Variants in HEPH observed in about 807,000 individuals in gnomAD.
HEPH encodes hephaestin.
In HEPH, 69 loss-of-function variants were observed where a neutral mutation model predicts 80.8. The observed-to-expected ratio is 0.85, with a 90% confidence interval of 0.70 to 1.04. The LOEUF is 1.04. Ranked by LOEUF, HEPH falls within the 50% of genes least tolerant of loss-of-function variation. The probability of loss-of-function intolerance (pLI) is 0.00; values close to 1 mark genes in which losing one functional copy is unlikely to be tolerated. For synonymous variants in HEPH, 431 were observed against 322.8 expected, an observed-to-expected ratio of 1.34 and a Z score of -3.60; for missense variants, 1,115 against 891.3, an observed-to-expected ratio of 1.25 and a Z score of -3.20.
intron 4 of HEPH, among the ~76,000 whole-genome samples, chrX:66,176,790 G>T (rs1011813205): frequency 1.8e-5 from 2 of 111,049 alleles, no homozygotes; most frequent in African/African-American, 6.6e-5. Context: ...TGAGAATGAT[G>T]GTTTCCAGCT....
chrX:66,178,648 G>A (rs1295990795), intron 4 of HEPH, among the ~76,000 whole-genome samples: 1 of 112,016 alleles, frequency 8.9e-6, no homozygotes, highest in Non-Finnish European at 1.9e-5. Flanking sequence ...TAACTGGTGT[G>A]GGATGGTATC....
intron 15 of HEPH, among the ~76,000 whole-genome samples, chrX:66,253,575 A>T (rs2091074780): frequency 8.9e-6 from 1 of 112,068 alleles, no homozygotes; most frequent in Admixed American, 9.5e-5. Flanking sequence ...TAAGTGGTTA[A>T]ACATAGCATT....
At chrX:66,190,033 C>A in intron 6 of HEPH, 95 bp downstream of exon 6, 1 of 919,856 alleles carries the variant, frequency 1.1e-6, no homozygotes, top group Non-Finnish European at 1.5e-6. Context: ...ATAAATAAGT[C>A]CTCCAGTTGA....
At chrX:66,178,959 A>C (rs1168092743) in intron 4 of HEPH, among the ~76,000 whole-genome samples, 1 of 111,336 alleles carries the variant, frequency 9.0e-6, no homozygotes, top group Non-Finnish European at 1.9e-5. Context: ...GTTACATCCC[A>C]TTTGCCAATT....
At chrX:66,237,304 T>C (rs1335909003) in intron 15 of HEPH, among the ~76,000 whole-genome samples, 1 of 111,861 alleles carries the variant, frequency 8.9e-6, no homozygotes, top group Non-Finnish European at 1.9e-5. Context: ...GCCTTAGCTG[T>C]GTCCCAGAGA....
chrX:66,243,166 C>A (rs1045895984), intron 15 of HEPH, among the ~76,000 whole-genome samples: 2 of 111,919 alleles, frequency 1.8e-5, no homozygotes, highest in Non-Finnish European at 3.8e-5. Flanking sequence ...AAAAGAATGA[C>A]ATATTTTTGC....
At chrX:66,200,968 T>C (rs1307311555) in intron 12 of HEPH, among the ~76,000 whole-genome samples, 1 of 111,783 alleles carries the variant, frequency 8.9e-6, no homozygotes, top group East Asian at 2.8e-4. Context: ...TAGTAGAAGG[T>C]GGAGGAAGCT....
chrX:66,205,962 G>T lies in HEPH; in HGVS notation c.2292-1233G>T, dbSNP rs182531752. ...AATCTAAATCCTGGCTCACTTTCTGGCTAACAATGTCACTTGTAGAATAAG... is the reference window on the plus strand; with the variant it reads ...AATCTAAATCCTGGCTCACTTTCTGTCTAACAATGTCACTTGTAGAATAAG... On this transcript the variant is annotated intron_variant, in intron 13 of 20. Transcript: ENST00000343002. Among the ~76,000 whole-genome samples the T allele has an allele frequency of 5.0e-3, 558 of 111,268 alleles. 3 individuals are homozygous for T. The highest frequency in any genetic ancestry group is 0.017 in the African/African-American group (518 of 30,584).
chrX:66,192,321 T>C, intron 7 of HEPH, 23 bp downstream of exon 7: 1 of 1,123,495 alleles, frequency 8.9e-7, no homozygotes, highest in Non-Finnish European at 1.2e-6. Flanking sequence ...GGGATCCCTC[T>C]CTTTAATTCT....
intron 15 of HEPH, among the ~76,000 whole-genome samples, chrX:66,238,192 G>A (rs1428568387): frequency 1.8e-5 from 2 of 111,326 alleles, no homozygotes; most frequent in Non-Finnish European, 3.8e-5. Context: ...ACTCGTTAGT[G>A]TGGTTGCTTT....
Position 66,260,014 on chromosome X carries a change from A to G in HEPH, c.3037-86A>G, listed in dbSNP as rs1184396531. On this transcript the variant is annotated intron_variant, in intron 18 of 20. Transcript: ENST00000343002. ...TTGAAGTCTCAGCTCCCTAATGTGG[A>G]CATCACAATTTTTTGGTTCCTGAAA... 8 of 796,958 alleles carry G rather than the reference A, an allele frequency of 1.0e-5. No homozygotes were observed. In the East Asian group the frequency reaches 2.2e-4, roughly 22 times the overall value. The allele number at this position is 796,958 out of a possible 1,213,427, so 65.7% of individuals were successfully genotyped here. A position where few individuals can be genotyped will look rare whatever the true frequency, so the allele number is the denominator to read the frequency against.
chrX:66,171,303 A>G, intron 2 of HEPH: 1 of 199,042 alleles, frequency 5.0e-6, no homozygotes. Flanking sequence ...TAGATGAGAA[A>G]ACTGAGGCTC....
chrX:66,260,761 C>CT (rs908986423), intron 19 of HEPH, among the ~76,000 whole-genome samples: 1 of 107,241 alleles, frequency 9.3e-6, no homozygotes, highest in Admixed American at 9.7e-5. Context: ...GCAATTCTTT[C>CT]TTTTTTTCTT....
At chrX:66,253,928 GT>G (rs1208790549) in intron 15 of HEPH, among the ~76,000 whole-genome samples, 16 of 111,413 alleles carry the variant, frequency 1.4e-4, no homozygotes, top group Non-Finnish European at 2.5e-4. Context: ...ATTACCTTGG[GT>G]GGGGTGGGGC....
At position 66,253,623 on chromosome X, in the gene HEPH, C is replaced by T. The variant is rs552549868; in HGVS notation, c.2564-1412C>T. 5.4e-5 allele frequency among the ~76,000 whole-genome samples: 6 copies of T among 111,547 alleles called. No homozygotes were observed. In the South Asian group the frequency reaches 1.1e-3, roughly 21 times the overall value. On this transcript the variant is annotated intron_variant, in intron 15 of 20. Transcript: ENST00000343002. ...AGGAATAAATGAAAACATATATCCA[C>T]ATAAAAACTTGTACACAAATGCTGA...
intron 15 of HEPH, among the ~76,000 whole-genome samples, chrX:66,222,166 A>C (rs2089679642): frequency 8.8e-6 from 1 of 113,134 alleles, no homozygotes; most frequent in African/African-American, 3.2e-5. Context: ...AAGGAATGCT[A>C]AGTTTCCTCC....
chrX:66,259,159 C>G (rs750966562), intron 18 of HEPH, among the ~76,000 whole-genome samples, 180 bp downstream of exon 18: 1 of 111,873 alleles, frequency 8.9e-6, no homozygotes, highest in Non-Finnish European at 1.9e-5. Context: ...AATAACTTCC[C>G]GCTAGGCCCT....
Position 66,192,222 on chromosome X carries a change from G to A in HEPH, c.1156G>A (p.Ala386Thr). The A allele has an allele frequency of 2.5e-6, 3 of 1,210,073 alleles. No homozygotes were observed. Among genetic ancestry groups the A allele is most frequent in the Non-Finnish European group, 3.4e-6 (3 of 894,004 alleles). Residue 386 changes from alanine (A) to threonine (T), a missense_variant, in exon 7 of 21, where the codon GCC (alanine) becomes ACC (threonine). Transcript: ENST00000343002. The stretch of plus-strand genomic sequence containing the variant: ...CAAAGTTCGACAGTACTTCATTGAG[G>A]CCCATGAGATTCAATGGGACTATGG... ...TGKVRQYFIE[A>T]HEIQWDYGPM...
At chrX:66,189,637 G>A in intron 5 of HEPH, 47 bp from the exon 6 acceptor site, 2 of 1,177,304 alleles carry the variant, frequency 1.7e-6, no homozygotes, top group Admixed American at 2.3e-5. Flanking sequence ...CTTCCATTTG[G>A]CTGTCCTTTC....
Sources: allele counts gnomAD v4.1 joint callset (sites outside exome capture counted in the v4.1 genomes callset), GRCh38; gene constraint gnomAD v4.1.1; transcripts MANE v1.5; gene names NCBI Gene and HGNC (gene_info 2026-07-23, HGNC 2026-07-21).